Variants in SH2D3C observed in about 807,000 individuals in gnomAD.
SH2D3C encodes SH2 domain containing 3C.
In SH2D3C, 25 loss-of-function variants were observed where a neutral mutation model predicts 75.2. That is an observed-to-expected ratio of 0.33 (90% CI 0.24 to 0.46). SH2D3C has a LOEUF of 0.46. Among genes scored for constraint, SH2D3C ranks in the 20% least tolerant of loss-of-function variants. The pLI is 1.00. For missense variants in SH2D3C, 933 were observed against 1,165.3 expected, an observed-to-expected ratio of 0.80 and a Z score of 2.90; for synonymous variants, 450 against 473.7, an observed-to-expected ratio of 0.95 and a Z score of 0.65.
rs561421636 is a variant in SH2D3C at position 127,747,404 on chromosome 9, G to A, written c.1140-133C>T. The stretch of plus-strand genomic sequence containing the variant: ...TGGAGATTATCAAATCCAACCTCCC[G>A]ACTGACAGGTACCAAAAAAACTGAA... On this transcript the variant is annotated intron_variant, in intron 5 of 11. Transcript: ENST00000314830. 614 of 825,490 alleles carry A rather than the reference G, an allele frequency of 7.4e-4. 6 individuals are homozygous for A. In the Middle Eastern group the frequency reaches 7.7e-3, roughly 10 times the overall value. 51.1% of individuals were successfully genotyped at this position (825,490 alleles called of 1,614,324 possible). A position where few individuals can be genotyped will look rare whatever the true frequency, so the allele number is the denominator to read the frequency against.
chr9:127,769,484 A>AAC lies in SH2D3C; in HGVS notation c.515+4504_515+4505dup, dbSNP rs527575342. Among the ~76,000 whole-genome samples, 320 of 149,934 alleles carry AAC rather than the reference A, an allele frequency of 2.1e-3. 3 individuals are homozygous for AAC. The highest frequency in any genetic ancestry group is 0.015 in the South Asian group (71 of 4,780). ...ATGGAGAAACTACGGCTCTACTAAAAACACACACACACACACACAAAATTA... is the reference window on the plus strand; with the variant it reads ...ATGGAGAAACTACGGCTCTACTAAAAACACACACACACACACACACAAAATTA... On this transcript the variant is annotated intron_variant, in intron 2 of 11. Coordinates refer to ENST00000314830, the MANE Select transcript of SH2D3C (RefSeq NM_170600.3).
At chr9:127,762,182 GC>G in intron 2 of SH2D3C, 1 of 1,183,762 alleles carries the variant, frequency 8.4e-7, no homozygotes, top group Non-Finnish European at 1.1e-6. Context: ...TGACTGCGGA[GC>G]CACTGCCGGT....
Position 127,751,135 on chromosome 9 carries a change from G to A in SH2D3C, c.684+37C>T, listed in dbSNP as rs369538299. ...GGGCTGGCCAAGGCAGTGGGTGGGA[G>A]GGTCCCGGGTTGAAGTCCAGCTCGG... On this transcript the variant is annotated intron_variant, in intron 4 of 11. Coordinates refer to ENST00000314830, the MANE Select transcript of SH2D3C (RefSeq NM_170600.3). This position sits in a 1 kb window ranked among gnomAD's most constrained non-coding sequence, Gnocchi z 4.1. The A allele has an allele frequency of 6.2e-7, 1 of 1,609,420 alleles. No homozygotes were observed. The highest frequency in any genetic ancestry group is 8.5e-7 in the Non-Finnish European group (1 of 1,178,178).
In SH2D3C at chr9:127,774,282, T is replaced by C. The variant is rs571377254; in HGVS notation, c.223A>G (p.Ser75Gly). Residue 75 changes from serine (S) to glycine (G), a missense_variant, in exon 2 of 12, where the codon AGC becomes GGC. Ser to Gly is a moderately conservative substitution (Grantham distance 56). Coordinates refer to ENST00000314830, the MANE Select transcript of SH2D3C (RefSeq NM_170600.3). The surrounding 1 kb of genome is among the most constrained non-coding windows in gnomAD (Gnocchi z 4.3). ...GGGCGAGGCATGGTGCCCATGTGGC[T>C]GTACATGTCACTGGAGCGGGCATAG... Reference protein sequence around the residue: ...PAYARSSDMYSHMGTMPRPSI... With the variant: ...PAYARSSDMYGHMGTMPRPSI... 6.2e-7 allele frequency: 1 copy of C among 1,614,118 alleles called. No individual in the cohort carries two copies. The highest frequency in any genetic ancestry group is 1.1e-5 in the South Asian group (1 of 91,084).
chr9:127,766,222 T>G (rs574006298), intron 2 of SH2D3C, among the ~76,000 whole-genome samples: 2 of 152,194 alleles, frequency 1.3e-5, no homozygotes, highest in African/African-American at 2.4e-5. Context: ...TAGGCCTGTC[T>G]GCTCTCTCTC....
At chr9:127,771,173 C>A in intron 2 of SH2D3C, 1 of 1,540,214 alleles carries the variant, frequency 6.5e-7, no homozygotes, top group Non-Finnish European at 8.8e-7. Flanking sequence ...CCAGGCCCAG[C>A]TCGGTCACTC....
At chr9:127,741,239 TTC>T (rs1417301282) in intron 9 of SH2D3C, among the ~76,000 whole-genome samples, 2 of 147,936 alleles carry the variant, frequency 1.4e-5, no homozygotes, top group Non-Finnish European at 3.0e-5. Flanking sequence ...TTTCTTCTTA[TTC>T]TTTTTTTTTT....
At position 127,741,913 on chromosome 9, in the gene SH2D3C, TG is replaced by T; in HGVS notation, c.1962del (p.Cys654Ter). ...SIMLAVDILG[C>X]TGSAEERAAL... ...GCTGCCCGCTCCTCCGCAGAGCCGGTGCAGCCCAGGATGTCCACGGCCAGCA... is the reference window on the plus strand; with the variant it reads ...GCTGCCCGCTCCTCCGCAGAGCCGGTCAGCCCAGGATGTCCACGGCCAGCA... On this transcript the variant is annotated frameshift_variant, in exon 9 of 12. Transcript: ENST00000314830. LOFTEE classifies it high-confidence loss of function. 1 of 1,613,020 alleles carries T rather than the reference TG, an allele frequency of 6.2e-7. No individual in the cohort carries two copies. Among genetic ancestry groups the T allele is most frequent in the Non-Finnish European group, 8.5e-7 (1 of 1,179,952 alleles).
In SH2D3C at chr9:127,749,094, G is replaced by A; in HGVS notation, c.1139+117C>T. ...CCCAACCTTCCTCCCATTCCTCCCT[G>A]CACACAGAGGCTCCAGGAGAGTAAT... is the stretch of plus-strand genomic sequence containing the variant. On this transcript the variant is annotated intron_variant, in intron 5 of 11. Coordinates refer to ENST00000314830, the MANE Select transcript of SH2D3C (RefSeq NM_170600.3). This position sits in a 1 kb window ranked among gnomAD's most constrained non-coding sequence, Gnocchi z 5.9. The A allele has an allele frequency of 1.2e-6, 1 of 804,830 alleles. No homozygotes were observed. Among genetic ancestry groups the A allele is most frequent in the Non-Finnish European group, 2.0e-6 (1 of 506,452 alleles). The allele number at this position is 804,830 out of a possible 1,614,324, so 49.9% of individuals were successfully genotyped here.
At chr9:127,742,038 T>C (rs1256487474) in intron 8 of SH2D3C, 79 bp from the exon 9 acceptor site, 9 of 1,412,964 alleles carry the variant, frequency 6.4e-6, no homozygotes, top group Non-Finnish European at 8.5e-6. Flanking sequence ...TGCCTGTGGT[T>C]GGGCCGGGAG....
chr9:127,739,845 G>C lies in SH2D3C; in HGVS notation c.2244C>G (p.Pro748=). 6.4e-7 allele frequency: 1 copy of C among 1,571,180 alleles called. No homozygotes were observed. The highest frequency in any genetic ancestry group is 8.6e-7 in the Non-Finnish European group (1 of 1,156,440). ...LSNTTFPHVL[P]LITLLECDSA... ...AGTCACACTCCAGCAGGGTGATGAGGGGCAGCACATGAGGAAACGTGGTGT... is the reference window on the plus strand; with the variant it reads ...AGTCACACTCCAGCAGGGTGATGAGCGGCAGCACATGAGGAAACGTGGTGT... The change falls in exon 11 of 12, where the codon CCC becomes CCG. Residue 748 remains proline (P), a synonymous_variant. Coordinates refer to ENST00000314830, the MANE Select transcript of SH2D3C (RefSeq NM_170600.3). The surrounding 1 kb of genome is among the most constrained non-coding windows in gnomAD (Gnocchi z 4.3).
chr9:127,750,146 ATTATTATTATTG>A (rs771387603), intron 4 of SH2D3C, among the ~76,000 whole-genome samples: 36 of 149,642 alleles, frequency 2.4e-4, no homozygotes, highest in Non-Finnish European at 4.4e-4. Context: ...CTTCTTTATT[ATTATTATTATTG>A]TTATTATTAT....
At chr9:127,778,558 T>G (rs761961345) in intron 1 of SH2D3C, 33 bp downstream of exon 1, 4 of 1,553,690 alleles carry the variant, frequency 2.6e-6, no homozygotes, top group Non-Finnish European at 2.7e-6. Flanking sequence ...GAGCCAGGGA[T>G]GGAGGACAGT....
Position 127,774,947 on chromosome 9 carries a change from G to A in SH2D3C, c.38-480C>T, listed in dbSNP as rs111865439. ...TCTACTAACAATACAAACATTAGCCGGGTGTGGTGGCGCACCTGTAATCCC... is the reference window on the plus strand; with the variant it reads ...TCTACTAACAATACAAACATTAGCCAGGTGTGGTGGCGCACCTGTAATCCC... On this transcript the variant is annotated intron_variant, in intron 1 of 11. Coordinates refer to ENST00000314830, the MANE Select transcript of SH2D3C (RefSeq NM_170600.3). This position sits in a 1 kb window ranked among gnomAD's most constrained non-coding sequence, Gnocchi z 4.3. Among the ~76,000 whole-genome samples the A allele has an allele frequency of 6.6e-6, 1 of 152,122 alleles. No individual in the cohort carries two copies. The highest frequency in any genetic ancestry group is 2.1e-4 in the South Asian group (1 of 4,816).
chr9:127,758,444 C>T (rs1346738562), intron 3 of SH2D3C, among the ~76,000 whole-genome samples: 2 of 152,108 alleles, frequency 1.3e-5, no homozygotes, highest in African/African-American at 2.4e-5. Context: ...AGCCAACATT[C>T]CTCACAGGGA....
rs568246379 is a variant in SH2D3C, at chr9:127,742,835, C to G, written c.1916+14G>C. 1.3e-6 allele frequency: 2 copies of G among 1,599,414 alleles called. No individual in the cohort carries two copies. Among genetic ancestry groups the G allele is most frequent in the Admixed American group, 1.7e-5 (1 of 59,194 alleles). ...GGGTTCCCCGCGAGTCCCCGGGTGC[C>G]GGCGCTGTCTCACCTTTCCAGCAGG... On this transcript the variant is annotated intron_variant, in intron 8 of 11. Coordinates refer to ENST00000314830, the MANE Select transcript of SH2D3C (RefSeq NM_170600.3).
intron 9 of SH2D3C, among the ~76,000 whole-genome samples, 163 bp from the exon 10 acceptor site, chr9:127,740,532 C>T (rs1844824530): frequency 6.6e-6 from 1 of 152,210 alleles, no homozygotes; most frequent in African/African-American, 2.4e-5. Flanking sequence ...TACCATGAAG[C>T]TCTCACAACC....
chr9:127,741,850 G>A lies in SH2D3C; in HGVS notation c.2026C>T (p.Arg676Trp), dbSNP rs1487882253. Residue 676 changes from arginine (R) to tryptophan (W), a missense_variant, in exon 9 of 12, where the codon CGG becomes TGG. Physicochemically the swap from Arg to Trp is moderately radical, Grantham distance 101. Transcript: ENST00000314830. ...CTGAACATGTTGCCCATAGTCCCCCGCAGCTCGGCCGCCAGCTGAATGGTC... is the reference window on the plus strand; with the variant it reads ...CTGAACATGTTGCCCATAGTCCCCCACAGCTCGGCCGCCAGCTGAATGGTC... The part of the protein sequence containing the change: ...HKTIQLAAEL[R>W]GTMGNMFSFA... 2 of 1,613,278 alleles carry A rather than the reference G, an allele frequency of 1.2e-6. No homozygotes were observed. The highest frequency in any genetic ancestry group is 2.2e-5 in the East Asian group (1 of 44,892).
At chr9:127,748,188 T>C (rs1845090155) in intron 5 of SH2D3C, among the ~76,000 whole-genome samples, 1 of 151,430 alleles carries the variant, frequency 6.6e-6, no homozygotes, top group Admixed American at 6.6e-5. Context: ...GCAGGAAGAG[T>C]AGTGAGCCTT....
Sources: allele counts gnomAD v4.1 joint callset (sites outside exome capture counted in the v4.1 genomes callset), GRCh38; gene constraint gnomAD v4.1.1; non-coding constraint Gnocchi (gnomAD v3.1); transcripts MANE v1.5; gene names NCBI Gene and HGNC (gene_info 2026-07-23, HGNC 2026-07-21).